WASHC2C: variants seen among roughly 807,000 people sequenced by gnomAD.
WASHC2C encodes the protein Vaccinia Penetration Factor.
WASHC2C carries 73 observed loss-of-function variants against 142.2 expected under a neutral mutation model. The observed-to-expected ratio is 0.51, with a 90% CI of 0.43 to 0.62. The LOEUF (loss-of-function observed/expected upper bound fraction) is 0.62, where lower values mean the gene tolerates loss of function less well. WASHC2C is among the 20% of genes least tolerant of loss of function. WASHC2C has a pLI of 0.00. For missense variants in WASHC2C, 969 were observed against 1,531.7 expected, an observed-to-expected ratio of 0.63 and a Z score of 6.13; for synonymous variants, 337 against 565.5, an observed-to-expected ratio of 0.60 and a Z score of 5.73.
chr10:45,790,666 T>G, intron 30 of WASHC2C, 133 bp downstream of exon 30: 1 of 754,626 alleles, frequency 1.3e-6, no homozygotes, highest in Non-Finnish European at 2.4e-6. Context: ...AATCCTGAGT[T>G]AGGCTGAAGA....
upstream of WASHC2C, chr10:45,727,235 C>T (rs1166932275): frequency 2.0e-6 from 3 of 1,523,124 alleles, no homozygotes; most frequent in Non-Finnish European, 2.6e-6. Flanking sequence ...CCCCGGGCAG[C>T]TTGGCTGGGG....
chr10:45,779,383 C>T (rs1355691891), intron 23 of WASHC2C, among the ~76,000 whole-genome samples: 1 of 150,146 alleles, frequency 6.7e-6, no homozygotes, highest in African/African-American at 2.4e-5. Flanking sequence ...GTTGTTCCTT[C>T]TAGCAAAACT....
At chr10:45,790,680 G>A in intron 30 of WASHC2C, 147 bp downstream of exon 30, 1 of 730,990 alleles carries the variant, frequency 1.4e-6, no homozygotes, top group Non-Finnish European at 2.5e-6. Context: ...CTGAAGATAG[G>A]TAAGAGATGG....
intron 5 of WASHC2C, among the ~76,000 whole-genome samples, chr10:45,741,937 G>C (rs1554868229): frequency 2.0e-5 from 3 of 151,890 alleles, no homozygotes. Flanking sequence ...GGGATTACAG[G>C]CATGTAACAT....
At chr10:45,772,354 A>G (rs1402565585) in intron 20 of WASHC2C, among the ~76,000 whole-genome samples, 12 of 152,102 alleles carry the variant, frequency 7.9e-5, no homozygotes, top group African/African-American at 2.2e-4. Flanking sequence ...TATTAAAGAA[A>G]ACATTGAAGT....
intron 18 of WASHC2C, among the ~76,000 whole-genome samples, chr10:45,764,342 T>C (rs1470798167): frequency 6.0e-5 from 9 of 151,142 alleles, no homozygotes; most frequent in Non-Finnish European, 1.3e-4. Flanking sequence ...TTGTTGCAAA[T>C]GTCCAAAAAA....
At chr10:45,755,300 C>T (rs2054113337) in intron 15 of WASHC2C, among the ~76,000 whole-genome samples, 185 bp downstream of exon 15, 1 of 152,306 alleles carries the variant, frequency 6.6e-6, no homozygotes, top group Non-Finnish European at 1.5e-5. Context: ...TTTTATGACC[C>T]AATCTTTTCT....
At chr10:45,789,838 G>GT (rs2058292419) in intron 29 of WASHC2C, among the ~76,000 whole-genome samples, 1 of 147,286 alleles carries the variant, frequency 6.8e-6, no homozygotes, top group African/African-American at 2.7e-5. Flanking sequence ...CAGCTTGGGA[G>GT]TTTAACCTCT....
rs868987415 is a variant in WASHC2C, at chr10:45,739,168, A to G, written c.355-905A>G. ...ATACACATTTTCACAAACTCAGTAC[A>G]ATATTAGCTATTTAACTCAGAATCA... On this transcript the variant is annotated intron_variant, in intron 4 of 30. Transcript: ENST00000623400. Among the ~76,000 whole-genome samples, 14 of 151,602 alleles carry G rather than the reference A, an allele frequency of 9.2e-5. No homozygotes were observed. The South Asian group carries it at 1.5e-3, about 16-fold the overall frequency.
chr10:45,792,699 G>A lies in WASHC2C; in HGVS notation c.*299G>A. ...GTGTAAAAGAAGAAATCTCTTTGTG[G>A]CTTTCATGGGCAGGGAATCTCAGAG... On this transcript the variant is annotated 3_prime_UTR_variant, in exon 31 of 31. Transcript: ENST00000623400. 1 of 521,330 alleles carries A rather than the reference G, an allele frequency of 1.9e-6. No homozygotes were observed. The highest frequency in any genetic ancestry group is 3.6e-6 in the Non-Finnish European group (1 of 277,110). The allele number at this position is 521,330 out of a possible 1,614,324, so 32.3% of individuals were successfully genotyped here. A position where few individuals can be genotyped will look rare whatever the true frequency, so the allele number is the denominator to read the frequency against.
chr10:45,787,327 A>T, intron 28 of WASHC2C, 80 bp downstream of exon 28: 1 of 1,173,046 alleles, frequency 8.5e-7, no homozygotes, highest in Non-Finnish European at 1.2e-6. Flanking sequence ...TATCAGTTGC[A>T]TACACAGCAG....
chr10:45,734,031 G>A (rs1172453629), intron 3 of WASHC2C, among the ~76,000 whole-genome samples: 2 of 151,978 alleles, frequency 1.3e-5, no homozygotes, highest in Non-Finnish European at 2.9e-5. Flanking sequence ...AGACCATCCT[G>A]ACTAACACGG....
In WASHC2C at chr10:45,751,507, T is replaced by C; in HGVS notation, c.957T>C (p.Pro319=). ...CCTTACCCTCAGGAGAAGCAAAACC[T>C]CGGAAGACACTCAAAGAGAAGAAGG... ...PTTLPSGEAK[P]RKTLKEKKER... is the part of the protein sequence containing the mutation. Residue 319 remains proline, a synonymous_variant, in exon 11 of 31, where the codon CCT becomes CCC. Transcript: ENST00000623400. 6.5e-7 allele frequency: 1 copy of C among 1,528,630 alleles called. No homozygotes were observed. Among genetic ancestry groups the C allele is most frequent in the African/African-American group, 1.4e-5 (1 of 70,600 alleles). The allele number at this position is 1,528,630 out of a possible 1,614,324, so 94.7% of individuals were successfully genotyped here.
intron 16 of WASHC2C, among the ~76,000 whole-genome samples, chr10:45,758,308 G>A (rs1172614361): frequency 3.7e-4 from 56 of 152,170 alleles, no homozygotes; most frequent in African/African-American, 1.3e-3. Context: ...AAGGTACCCT[G>A]TTCTCTTTTG....
At chr10:45,732,140 T>G (rs1415271575) in intron 3 of WASHC2C, among the ~76,000 whole-genome samples, 1 of 152,178 alleles carries the variant, frequency 6.6e-6, no homozygotes, top group Non-Finnish European at 1.5e-5. Context: ...ACATCAGTAC[T>G]TAGGTGTTAC....
In WASHC2C at chr10:45,746,718, C is replaced by T. The variant is rs1355350245; in HGVS notation, c.732+71C>T. ...AAGCATAGTATATATACTAAAATTA[C>T]TTTGGAATGATTTATGACCAAGTGA... On this transcript the variant is annotated intron_variant, in intron 8 of 30. Coordinates refer to ENST00000623400, the MANE Select transcript of WASHC2C (RefSeq NM_001330074.2). The T allele has an allele frequency of 6.3e-6, 10 of 1,579,368 alleles. No homozygotes were observed. The Admixed American group carries it at 1.2e-4, about 19-fold the overall frequency.
chr10:45,736,107 TA>T (rs113659681), intron 3 of WASHC2C, among the ~76,000 whole-genome samples: 69,057 of 139,500 alleles, frequency 0.5, 16,653 homozygotes, highest in East Asian at 0.69. Flanking sequence ...CCATCTCTAC[TA>T]AAAAAAAAAA....
intron 20 of WASHC2C, among the ~76,000 whole-genome samples, chr10:45,772,870 A>G (rs2056724519): frequency 6.6e-6 from 1 of 152,260 alleles, no homozygotes; most frequent in Non-Finnish European, 1.5e-5. Context: ...TCTCTTGGCA[A>G]CCGTCTTCAT....
chr10:45,727,138 C>T, upstream of WASHC2C: 1 of 1,429,484 alleles, frequency 7.0e-7, no homozygotes, highest in Non-Finnish European at 9.1e-7. Context: ...TCCCAGTCCA[C>T]TTCCGCAGCT....
Sources: allele counts gnomAD v4.1 joint callset (sites outside exome capture counted in the v4.1 genomes callset), GRCh38; gene constraint gnomAD v4.1.1; transcripts MANE v1.5; gene names NCBI Gene and HGNC (gene_info 2026-07-23, HGNC 2026-07-21).